NCOR1: variants seen among roughly 807,000 people sequenced by gnomAD.
NCOR1 encodes nuclear receptor corepressor 1, also known as protein phosphatase 1, regulatory subunit 109.
A neutral mutation model predicts 288.1 loss-of-function variants in NCOR1; 63 were observed. That is an observed-to-expected ratio of 0.22 (90% CI 0.18 to 0.27). The LOEUF is 0.27. Ranked by LOEUF, NCOR1 falls within the 10% of genes least tolerant of loss-of-function variation. The pLI is 1.00. For synonymous variants in NCOR1, 1,007 were observed against 1,065.9 expected (o/e 0.94, Z 1.08); for missense variants, 2,397 against 3,019.2 (o/e 0.79, Z 4.83).
intron 18 of NCOR1, among the ~76,000 whole-genome samples, chr17:16,114,297 C>T (rs1458379332): frequency 1.3e-5 from 2 of 152,130 alleles, no homozygotes; most frequent in African/African-American, 4.8e-5. Context: ...TCCCACAACA[C>T]ATGGGAACTG....
In NCOR1 at chr17:16,091,970, G is replaced by A; in HGVS notation, c.2909C>T (p.Ser970Leu). Residue 970 changes from serine (S) to leucine (L), a missense_variant, in exon 22 of 46, where the codon TCA becomes TTA. This residue lies in a region of NCOR1 where 1,872 missense variants were observed against 2,187.8 expected (regional missense o/e 0.86). Coordinates refer to ENST00000268712, the MANE Select transcript of NCOR1 (RefSeq NM_006311.4). ...CTGCCGCTGCTCCTCCAGGAGTGCT[G>A]ACTCATGCATTGCTTTAATGTGTCG... ...YQRHIKAMHESALLEEQRQRQ... is the reference protein window; with the variant it reads ...YQRHIKAMHELALLEEQRQRQ... 1 of 1,614,198 alleles carries A rather than the reference G, an allele frequency of 6.2e-7. No homozygotes were observed. The highest frequency in any genetic ancestry group is 8.5e-7 in the Non-Finnish European group (1 of 1,180,040).
At chr17:16,070,096 G>C (rs2152719238) in intron 31 of NCOR1, 69 bp downstream of exon 31, 2 of 1,416,560 alleles carry the variant, frequency 1.4e-6, no homozygotes, top group East Asian at 2.3e-5. Flanking sequence ...TTTACTACTT[G>C]ACAAAGGTTT....
chr17:16,044,999 G>GA (rs112069615), intron 42 of NCOR1: 32,664 of 279,534 alleles, frequency 0.12, 8 homozygotes, highest in South Asian at 0.19. Flanking sequence ...CTGAACTTAA[G>GA]AAAAAAAAAA....
chr17:16,077,899 GTAC>G (rs1458502852), intron 26 of NCOR1, among the ~76,000 whole-genome samples: 2 of 152,154 alleles, frequency 1.3e-5, no homozygotes, highest in Non-Finnish European at 2.9e-5. Context: ...TAAATTTAGA[GTAC>G]TACAACTTTT....
intron 6 of NCOR1, among the ~76,000 whole-genome samples, chr17:16,154,208 A>G (rs929004448): frequency 1.4e-4 from 22 of 151,738 alleles, no homozygotes; most frequent in Admixed American, 9.9e-4. Context: ...TTCAAAAGTA[A>G]AATAATCCAG....
chr17:16,058,428 T>C, intron 38 of NCOR1, 43 bp downstream of exon 38: 1 of 1,601,550 alleles, frequency 6.2e-7, no homozygotes, highest in Non-Finnish European at 8.5e-7. Flanking sequence ...AAATGATAAA[T>C]GCAAATATGA....
chr17:16,162,386 T>A (rs1466279936), intron 5 of NCOR1, among the ~76,000 whole-genome samples: 1 of 151,452 alleles, frequency 6.6e-6, no homozygotes, highest in African/African-American at 2.4e-5. Flanking sequence ...CTAAAAAAGA[T>A]AATGGCTTGG....
intron 19 of NCOR1, chr17:16,108,179 CA>C (rs35417050): frequency 0.47 from 68,751 of 146,764 alleles, 14,726 homozygotes; most frequent in African/African-American, 0.5. Flanking sequence ...AAGCAATTTC[CA>C]AAAAAAAAAA....
chr17:16,172,500 T>G (rs1340099242), intron 3 of NCOR1, among the ~76,000 whole-genome samples: 1 of 152,098 alleles, frequency 6.6e-6, no homozygotes, highest in East Asian at 1.9e-4. Flanking sequence ...ATAATTAAAT[T>G]TGGGATAATA....
chr17:16,206,438 T>G (rs1311856046), intron 1 of NCOR1, among the ~76,000 whole-genome samples: 1 of 151,986 alleles, frequency 6.6e-6, no homozygotes, highest in Non-Finnish European at 1.5e-5. Context: ...CAGGCTGGAG[T>G]CCAGTGGCAT....
At chr17:16,184,590 A>G (rs1279229481) in intron 3 of NCOR1, among the ~76,000 whole-genome samples, 1 of 152,212 alleles carries the variant, frequency 6.6e-6, no homozygotes, top group Non-Finnish European at 1.5e-5. Context: ...CATGAAGAAA[A>G]GAGAACTCTT....
chr17:16,117,418 T>C (rs1238875896), intron 18 of NCOR1, among the ~76,000 whole-genome samples: 1 of 150,178 alleles, frequency 6.7e-6, no homozygotes, highest in Non-Finnish European at 1.5e-5. Flanking sequence ...ACAGCTAGCC[T>C]ATACTAAAAA....
At chr17:16,079,435 T>TA (rs1307370042) in intron 26 of NCOR1, among the ~76,000 whole-genome samples, 3 of 152,220 alleles carry the variant, frequency 2.0e-5, no homozygotes, top group Admixed American at 2.0e-4. Context: ...AGTATCAAGT[T>TA]AAAATTAACA....
intron 44 of NCOR1, 52 bp from the exon 45 acceptor site, chr17:16,034,996 AC>A: frequency 1.3e-6 from 2 of 1,543,078 alleles, no homozygotes; most frequent in Non-Finnish European, 1.8e-6. Context: ...CTCAAAAATT[AC>A]CAAAATGCTA....
At chr17:16,037,064 CCATTGCAGGGTTAAT>C (rs1180406747) in intron 44 of NCOR1, among the ~76,000 whole-genome samples, 4 of 152,134 alleles carry the variant, frequency 2.6e-5, no homozygotes, top group Admixed American at 1.3e-4. Context: ...CACTTAGAAG[CCATTGCAGGGTTAAT>C]TGGCCGAATT....
chr17:16,117,809 G>A lies in NCOR1; in HGVS notation c.2055+79C>T, dbSNP rs578215632. 1.2e-5 allele frequency: 17 copies of A among 1,446,794 alleles called. No individual in the cohort carries two copies. In the East Asian group the frequency reaches 4.0e-4, roughly 34 times the overall value. 89.6% of individuals were successfully genotyped at this position (1,446,794 alleles called of 1,614,324 possible). ...TGCACTCTAGCCTGGGTGATAGAGTGAGACTCCATCTCAAACAACAACAAC... is the reference window on the plus strand; with the variant it reads ...TGCACTCTAGCCTGGGTGATAGAGTAAGACTCCATCTCAAACAACAACAAC... On this transcript the variant is annotated intron_variant, in intron 18 of 45. Coordinates refer to ENST00000268712, the MANE Select transcript of NCOR1 (RefSeq NM_006311.4).
chr17:16,149,980 AG>A (rs1568339135), intron 8 of NCOR1, among the ~76,000 whole-genome samples: 1 of 152,164 alleles, frequency 6.6e-6, no homozygotes, highest in Non-Finnish European at 1.5e-5. Context: ...TGCTTTAAAC[AG>A]AAGATTTTCT....
At chr17:16,033,331 G>A (rs1380890823) in intron 45 of NCOR1, among the ~76,000 whole-genome samples, 5 of 109,230 alleles carry the variant, frequency 4.6e-5, no homozygotes, top group South Asian at 2.7e-4. Flanking sequence ...ACGAAACTCC[G>A]TCTCCAAAAA....
rs148052050 is a variant in NCOR1 at position 16,057,936 on chromosome 17, G to A, written c.6139C>T (p.Arg2047Trp). Reference protein sequence around the residue: ...EGMGQVPRTHRLITLADHICQ... With the variant: ...EGMGQVPRTHWLITLADHICQ... ...ATGTGATCAGCAAGTGTGATCAGCC[G>A]ATGGGTCCTGGGCACTTGCCCCATT... Residue 2047 changes from arginine to tryptophan, a missense_variant, in exon 39 of 46, where the codon CGG becomes TGG. Arg to Trp is a moderately radical substitution (Grantham distance 101, BLOSUM62 -3). Transcript: ENST00000268712. The A allele has an allele frequency of 3.1e-6, 5 of 1,612,778 alleles. No individual in the cohort carries two copies. Among genetic ancestry groups the A allele is most frequent in the East Asian group, 2.2e-5 (1 of 44,870 alleles).
Sources: allele counts gnomAD v4.1 joint callset (sites outside exome capture counted in the v4.1 genomes callset), GRCh38; gene constraint gnomAD v4.1.1; regional missense constraint gnomAD v4.1.1; transcripts MANE v1.5; gene names NCBI Gene and HGNC (gene_info 2026-07-23, HGNC 2026-07-21).